The following REL variants were observed in gnomAD, a reference collection of about 807,000 sequenced individuals.
REL encodes REL proto-oncogene, NF-kB subunit.
In REL, 15 loss-of-function variants were observed where a neutral mutation model predicts 45.9. That is an observed-to-expected ratio of 0.33 (90% CI 0.22 to 0.50). The LOEUF is 0.50. Ranked by LOEUF, REL falls within the 20% of genes least tolerant of loss-of-function variation. REL has a pLI of 0.98. For missense variants in REL, 601 were observed against 715.2 expected (o/e 0.84, Z 1.82); for synonymous variants, 239 against 242.1 (o/e 0.99, Z 0.12).
chr2:60,886,629 TA>T (rs1388070273), intron 1 of REL, among the ~76,000 whole-genome samples: 1 of 152,168 alleles, frequency 6.6e-6, no homozygotes, highest in African/African-American at 2.4e-5. Flanking sequence ...ATGTTATAAT[TA>T]CAATAATTAG....
At chr2:60,886,244 T>C (rs1340979962) in intron 1 of REL, among the ~76,000 whole-genome samples, 1 of 152,216 alleles carries the variant, frequency 6.6e-6, no homozygotes, top group Non-Finnish European at 1.5e-5. Flanking sequence ...AGGACATGTA[T>C]GTTTTGAAAA....
chr2:60,910,609 GCTTC>G (rs1290530274), intron 4 of REL, among the ~76,000 whole-genome samples: 3 of 151,988 alleles, frequency 2.0e-5, no homozygotes, highest in Non-Finnish European at 4.4e-5. Flanking sequence ...TTGGTCTCAT[GCTTC>G]CTTCCGTTAG....
chr2:60,883,065 G>A (rs565107447), intron 1 of REL, among the ~76,000 whole-genome samples: 8 of 152,248 alleles, frequency 5.3e-5, no homozygotes, highest in Admixed American at 3.9e-4. Context: ...ATTTTGGCAA[G>A]GTGAGTGGGG....
intron 4 of REL, among the ~76,000 whole-genome samples, chr2:60,904,600 C>G (rs1296598173): frequency 1.3e-5 from 2 of 148,542 alleles, no homozygotes; most frequent in East Asian, 4.1e-4. Flanking sequence ...AAAAAAAAAT[C>G]AAGTAGGCCA....
At position 60,931,557 on chromosome 2, in the gene REL, A is replaced by G. The variant is rs570152799; in HGVS notation, c.*9022A>G. 2.6e-5 allele frequency: 4 copies of G among 152,360 alleles called. No individual in the cohort carries two copies. In the East Asian group the frequency reaches 5.7e-4, roughly 22 times the overall value. The allele number at this position is 152,360 out of a possible 1,614,324, so 9.4% of individuals were successfully genotyped here. Reference sequence around the variant, plus strand: ...TACAGAATATTTTATTACATTTGCAATATCTTTGTATATAGTGATTTTTTT... The same window carrying G: ...TACAGAATATTTTATTACATTTGCAGTATCTTTGTATATAGTGATTTTTTT... On this transcript the variant is annotated 3_prime_UTR_variant, in exon 10 of 10. Transcript: ENST00000394479.
rs1673299327 is a variant in REL, at chr2:60,894,537, A to T, written c.294A>T (p.Arg98Ser). The T allele has an allele frequency of 1.9e-6, 3 of 1,594,914 alleles. No homozygotes were observed. The highest frequency in any genetic ancestry group is 2.6e-6 in the Non-Finnish European group (3 of 1,171,806). ...AAGCAGAATTTGGACAAGAACGCAG[A>T]CCTTTGTTGTAAGTACACAGTTACA... ...YYEAEFGQERRPLFFQNLGIR... is the reference protein window; with the variant it reads ...YYEAEFGQERSPLFFQNLGIR... Residue 98 changes from arginine to serine, a missense_variant, in exon 3 of 10, where the codon AGA (arginine) becomes AGT (serine). Arg to Ser is a moderately radical substitution (Grantham distance 110). Coordinates refer to ENST00000394479, the MANE Select transcript of REL (RefSeq NM_001291746.2).
In REL at chr2:60,905,821, A is replaced by G. The variant is rs182771459; in HGVS notation, c.394+4738A>G. On this transcript the variant is annotated intron_variant, in intron 4 of 9. Transcript: ENST00000394479. ...CTGCATTTTAACAAACATCTAGATC[A>G]GTATTTCTTAACTCTTTCACCATGA... 2.7e-3 allele frequency among the ~76,000 whole-genome samples: 413 copies of G among 152,338 alleles called. 1 individual carries two copies. Among genetic ancestry groups the G allele is most frequent in the Middle Eastern group, 0.01 (3 of 294 alleles).
At chr2:60,917,717 C>CGTGTGT (rs977815725) in intron 5 of REL, among the ~76,000 whole-genome samples, 21 of 145,416 alleles carry the variant, frequency 1.4e-4, no homozygotes, top group East Asian at 6.6e-4. Context: ...TGTGTGTGTA[C>CGTGTGT]GTGTGTGTGT....
chr2:60,893,340 A>G (rs997121032), intron 2 of REL, among the ~76,000 whole-genome samples: 1 of 152,192 alleles, frequency 6.6e-6, no homozygotes, highest in Non-Finnish European at 1.5e-5. Context: ...CCAGATTTCT[A>G]TTTTTATCAC....
At chr2:60,891,907 T>A in intron 2 of REL, 82 bp downstream of exon 2, 1 of 1,306,608 alleles carries the variant, frequency 7.7e-7, no homozygotes, top group Non-Finnish European at 1.0e-6. Context: ...AGGGCCAGTT[T>A]CTTCACAGTC....
intron 4 of REL, among the ~76,000 whole-genome samples, chr2:60,902,963 A>G (rs186958408): frequency 2.0e-5 from 3 of 152,300 alleles, no homozygotes; most frequent in Admixed American, 1.3e-4. Context: ...ATACACTGTG[A>G]GCTCTTGTGT....
At position 60,924,861 on chromosome 2, in the gene REL, G is replaced by A. The variant is rs143434722; in HGVS notation, c.*2326G>A. The A allele has an allele frequency of 3.0e-4, 64 of 212,678 alleles. No individual in the cohort carries two copies. The highest frequency in any genetic ancestry group is 1.3e-3 in the African/African-American group (58 of 44,314). The allele number at this position is 212,678 out of a possible 1,614,324, so 13.2% of individuals were successfully genotyped here. On this transcript the variant is annotated 3_prime_UTR_variant, in exon 10 of 10. Coordinates refer to ENST00000394479, the MANE Select transcript of REL (RefSeq NM_001291746.2). Reference sequence around the variant, plus strand: ...GATTTAAAATTCTCAGTGTTTCCTAGTTGTTTCTGCATACTTTATGTGAGT... The same window carrying A: ...GATTTAAAATTCTCAGTGTTTCCTAATTGTTTCTGCATACTTTATGTGAGT...
At chr2:60,905,877 G>A (rs1165876517) in intron 4 of REL, among the ~76,000 whole-genome samples, 2 of 152,100 alleles carry the variant, frequency 1.3e-5, no homozygotes, top group East Asian at 3.8e-4. Flanking sequence ...TTGTTTTTGA[G>A]TTCAATATAT....
chr2:60,905,900 C>T (rs745336989), intron 4 of REL, among the ~76,000 whole-genome samples: 1 of 152,178 alleles, frequency 6.6e-6, no homozygotes, highest in Non-Finnish European at 1.5e-5. Context: ...ACATACACCA[C>T]ACCCTTAGGA....
Position 60,913,363 on chromosome 2 carries a change from G to A in REL, c.395-3514G>A, listed in dbSNP as rs369172843. 2.6e-4 allele frequency among the ~76,000 whole-genome samples: 40 copies of A among 152,062 alleles called. No individual in the cohort carries two copies. The East Asian group carries it at 7.5e-3, about 29-fold the overall frequency. On this transcript the variant is annotated intron_variant, in intron 4 of 9. Transcript: ENST00000394479. ...TCTGTGAAAAAGAGTAAAGATTTTAGGCCTACAATATTATCTCCCTGCAGA... is the reference window on the plus strand; with the variant it reads ...TCTGTGAAAAAGAGTAAAGATTTTAAGCCTACAATATTATCTCCCTGCAGA...
At chr2:60,889,287 C>T (rs1169874057) in intron 1 of REL, among the ~76,000 whole-genome samples, 1 of 152,116 alleles carries the variant, frequency 6.6e-6, no homozygotes, top group Non-Finnish European at 1.5e-5. Flanking sequence ...CTGACTCTTT[C>T]GCTCTTATTT....
chr2:60,905,943 T>C (rs1673635914), intron 4 of REL, among the ~76,000 whole-genome samples: 1 of 152,176 alleles, frequency 6.6e-6, no homozygotes, highest in African/African-American at 2.4e-5. Flanking sequence ...CCGTTTTCAC[T>C]CTGCTGATAA....
chr2:60,893,610 C>A (rs1483715322), intron 2 of REL, among the ~76,000 whole-genome samples: 3 of 152,282 alleles, frequency 2.0e-5, no homozygotes, highest in Admixed American at 6.5e-5. Context: ...CCTTCTCTTT[C>A]ATACAGAAAG....
chr2:60,922,408 C>T lies in REL; in HGVS notation c.1637C>T (p.Ser546Leu), dbSNP rs759650174. 1.1e-5 allele frequency: 18 copies of T among 1,613,780 alleles called. No homozygotes were observed. Among genetic ancestry groups the T allele is most frequent in the Middle Eastern group, 3.3e-4 (2 of 6,082 alleles). ...SCADNSMINE[S>L]GPSNSTNPNS... ...GCAGATAACAGCATGATAAATGAGT[C>T]GGGACCATCAAACAGTACTAATCCA... Residue 546 changes from serine (S) to leucine (L), a missense_variant, in exon 10 of 10, where the codon TCG becomes TTG. Physicochemically the swap from Ser to Leu is moderately radical, Grantham distance 145 (BLOSUM62 -2). This residue lies in a region of REL where 334 missense variants were observed against 333.1 expected (regional missense o/e 1.00). Transcript: ENST00000394479.
Sources: gnomAD v4.1 joint callset for allele counts (sites outside exome capture counted in the v4.1 genomes callset) on GRCh38, gnomAD v4.1.1 for gene constraint, gnomAD v4.1.1 regional missense constraint, MANE v1.5 for transcripts, NCBI Gene and HGNC (gene_info 2026-07-23, HGNC 2026-07-21) for gene names.